The following STK32A variants were observed in gnomAD, a reference collection of about 807,000 sequenced individuals.
The protein encoded by STK32A is serine/threonine kinase 32A, also known as serine/threonine-protein kinase 32A.
STK32A carries 41 observed loss-of-function variants against 53.2 expected under a neutral mutation model. The observed-to-expected ratio is 0.77, with a 90% CI of 0.60 to 1.00. The LOEUF is 1.00. Among genes scored for constraint, STK32A ranks in the 50% least tolerant of loss-of-function variants. The pLI, the probability that STK32A is intolerant of heterozygous loss-of-function variation, is 0.00. For synonymous variants in STK32A, 166 were observed against 162.8 expected (o/e 1.02, Z -0.15); for missense variants, 458 against 485.8 (o/e 0.94, Z 0.54).
intron 2 of STK32A, among the ~76,000 whole-genome samples, chr5:147,252,964 A>G (rs11167970): frequency 0.24 from 36,896 of 152,030 alleles, 4,502 homozygotes; most frequent in Admixed American, 0.3. Context: ...TGTATAAAAG[A>G]CACTTGATAT....
At chr5:147,247,591 C>T (rs909058719) in intron 2 of STK32A, among the ~76,000 whole-genome samples, 2 of 152,134 alleles carry the variant, frequency 1.3e-5, no homozygotes, top group Non-Finnish European at 2.9e-5. Flanking sequence ...GAGTTGGCAA[C>T]TTTTTCTGTG....
chr5:147,333,430 A>T (rs1408117464), intron 5 of STK32A, among the ~76,000 whole-genome samples: 1 of 152,206 alleles, frequency 6.6e-6, no homozygotes, highest in East Asian at 1.9e-4. Flanking sequence ...TGATATTCAC[A>T]TGCTGACAGA....
In STK32A at chr5:147,384,540, C is replaced by T; in HGVS notation, c.*557C>T. ...GTAACAGAGATGGATGAGGGCCTTC[C>T]AGTGATATGCGTGAATCAGCATTAG... On this transcript the variant is annotated 3_prime_UTR_variant, in exon 13 of 13. Transcript: ENST00000397936. 4.2e-6 allele frequency: 4 copies of T among 943,052 alleles called. No homozygotes were observed. The highest frequency in any genetic ancestry group is 6.4e-6 in the Non-Finnish European group (4 of 626,348). The allele number at this position is 943,052 out of a possible 1,614,324, so 58.4% of individuals were successfully genotyped here. A position where few individuals can be genotyped will look rare whatever the true frequency, so the allele number is the denominator to read the frequency against.
chr5:147,242,652 A>G (rs1235199211), intron 2 of STK32A, among the ~76,000 whole-genome samples: 1 of 152,220 alleles, frequency 6.6e-6, no homozygotes, highest in Non-Finnish European at 1.5e-5. Flanking sequence ...CCAAAATCCA[A>G]ATAATGACAA....
chr5:147,380,689 A>G (rs1317256323), intron 11 of STK32A, among the ~76,000 whole-genome samples: 1 of 152,202 alleles, frequency 6.6e-6, no homozygotes, highest in Non-Finnish European at 1.5e-5. Context: ...GTCAAAGCAA[A>G]TGCTTTGCAT....
chr5:147,360,107 T>C (rs1316724866), intron 7 of STK32A, among the ~76,000 whole-genome samples: 1 of 152,150 alleles, frequency 6.6e-6, no homozygotes, highest in Non-Finnish European at 1.5e-5. Flanking sequence ...CTAGGCACCA[T>C]ACTGAGATTT....
intron 4 of STK32A, among the ~76,000 whole-genome samples, chr5:147,296,397 T>C (rs534906869): frequency 1.3e-5 from 2 of 152,060 alleles, no homozygotes; most frequent in African/African-American, 4.8e-5. Flanking sequence ...TCGGGGGTTG[T>C]TGCTTCTCCC....
chr5:147,346,702 G>T (rs115954680), intron 6 of STK32A, among the ~76,000 whole-genome samples: 76 of 152,270 alleles, frequency 5.0e-4, no homozygotes, highest in African/African-American at 1.8e-3. Context: ...TCCTACCAAT[G>T]TAAGTACCCC....
At chr5:147,261,733 T>G (rs1371963114) in intron 2 of STK32A, among the ~76,000 whole-genome samples, 1 of 152,200 alleles carries the variant, frequency 6.6e-6, no homozygotes, top group Non-Finnish European at 1.5e-5. Context: ...CATAGCATCT[T>G]TTATTTAGAA....
rs560317216 is a variant in STK32A, at chr5:147,346,036, G to A, written c.472+2993G>A. On this transcript the variant is annotated intron_variant, in intron 6 of 12. Transcript: ENST00000397936. ...TAATTTTTTTGAAGTTATTTACTTC[G>A]TTTGTTCAGATTCTGAAAAAGTAGG... Among the ~76,000 whole-genome samples, 20 of 152,158 alleles carry A rather than the reference G, an allele frequency of 1.3e-4. No homozygotes were observed. In the South Asian group the frequency reaches 1.7e-3, roughly 13 times the overall value.
rs575848745 is a variant in STK32A, at chr5:147,243,549, C to T, written c.52+3863C>T. ...GTCAAGAGATCGAAACCATCCTGGC[C>T]AACATGGTGAAACCCCATCTCTACT... is the stretch of plus-strand genomic sequence containing the variant. On this transcript the variant is annotated intron_variant, in intron 2 of 12. Transcript: ENST00000397936. Among the ~76,000 whole-genome samples the T allele has an allele frequency of 1.0e-3, 132 of 128,138 alleles. 7 individuals carry two copies. Among genetic ancestry groups the T allele is most frequent in the Non-Finnish European group, 1.7e-3 (101 of 58,022 alleles). 84.1% of individuals were successfully genotyped at this position (128,138 alleles called of 152,430 possible). A position where few individuals can be genotyped will look rare whatever the true frequency, so the allele number is the denominator to read the frequency against.
intron 4 of STK32A, among the ~76,000 whole-genome samples, chr5:147,317,400 T>C (rs1374251060): frequency 1.6e-5 from 2 of 128,840 alleles, no homozygotes; most frequent in Non-Finnish European, 3.2e-5. Context: ...TGATCTCGGC[T>C]CACTGCAACC....
At chr5:147,314,508 AAAAAAAAAC>A (rs966528953) in intron 4 of STK32A, among the ~76,000 whole-genome samples, 2 of 36,900 alleles carry the variant, frequency 5.4e-5, no homozygotes, top group Non-Finnish European at 8.6e-5. Flanking sequence ...CAAAAAAAAC[AAAAAAAAAC>A]AAAAAAAAAC....
chr5:147,372,858 T>C (rs2152004272), intron 9 of STK32A, among the ~76,000 whole-genome samples: 1 of 152,286 alleles, frequency 6.6e-6, no homozygotes, highest in South Asian at 2.1e-4. Context: ...AATACATTAT[T>C]ACCACTTTTT....
chr5:147,335,037 T>C (rs1351868362), intron 5 of STK32A, among the ~76,000 whole-genome samples: 2 of 152,176 alleles, frequency 1.3e-5, no homozygotes, highest in Non-Finnish European at 2.9e-5. Flanking sequence ...AGAACAATTA[T>C]AACAATATGC....
chr5:147,349,098 GAGAAAA>G (rs1451426394), intron 6 of STK32A, among the ~76,000 whole-genome samples: 3 of 152,258 alleles, frequency 2.0e-5, no homozygotes, highest in African/African-American at 7.2e-5. Context: ...TGGGGAGAAA[GAGAAAA>G]AGAAAAAACA....
At chr5:147,242,105 G>A (rs1753608723) in intron 2 of STK32A, among the ~76,000 whole-genome samples, 1 of 152,270 alleles carries the variant, frequency 6.6e-6, no homozygotes, top group Admixed American at 6.5e-5. Context: ...GGACCAGACA[G>A]GTCTTTCTTA....
At chr5:147,343,789 C>A (rs181565461) in intron 6 of STK32A, among the ~76,000 whole-genome samples, 20 of 152,180 alleles carry the variant, frequency 1.3e-4, no homozygotes, top group Admixed American at 1.3e-3. Flanking sequence ...ATCAAGTTTT[C>A]TGTTTAAAAA....
At chr5:147,397,701 C>G in the STK32A span, 239 of 1,613,980 alleles carry the variant, frequency 1.5e-4, 1 homozygote, top group Non-Finnish European at 1.7e-4. Context: ...TAGACATAGT[C>G]GGAGAACGGG....
Sources: allele counts gnomAD v4.1 joint callset (sites outside exome capture counted in the v4.1 genomes callset), GRCh38; gene constraint gnomAD v4.1.1; transcripts MANE v1.5; gene names NCBI Gene and HGNC (gene_info 2026-07-23, HGNC 2026-07-21).